Variants in ZNF33B observed in about 807,000 individuals in gnomAD.
ZNF33B encodes zinc finger protein 11b (KOX 2).
Under a neutral mutation model 45.8 loss-of-function variants are expected in ZNF33B, and 29 were observed. The ratio of observed to expected loss-of-function variants is 0.63; its 90% confidence interval spans 0.47 to 0.86. The LOEUF (loss-of-function observed/expected upper bound fraction) is 0.86, where lower values mean the gene tolerates loss of function less well. ZNF33B is among the 40% of genes least tolerant of loss of function. ZNF33B has a pLI of 0.00. For missense variants in ZNF33B, 831 were observed against 909.9 expected, an observed-to-expected ratio of 0.91 and a Z score of 1.12; for synonymous variants, 305 against 307.8, an observed-to-expected ratio of 0.99 and a Z score of 0.10.
intron 4 of ZNF33B, 104 bp from the exon 5 acceptor site, chr10:42,594,803 T>G: frequency 7.6e-7 from 1 of 1,313,626 alleles, no homozygotes; most frequent in Middle Eastern, 2.8e-4. Context: ...TCTGGTTTTT[T>G]GGCCAATTTC....
At chr10:42,596,101 T>C (rs1313873869) in intron 4 of ZNF33B, among the ~76,000 whole-genome samples, 1 of 151,590 alleles carries the variant, frequency 6.6e-6, no homozygotes, top group East Asian at 1.9e-4. Context: ...TATAATATAG[T>C]ATATATGTTA....
chr10:42,587,034 CAT>C (rs2132020804), downstream of ZNF33B, among the ~76,000 whole-genome samples: 1 of 152,222 alleles, frequency 6.6e-6, no homozygotes, highest in African/African-American at 2.4e-5. Flanking sequence ...TGGGCCCTCA[CAT>C]GTCAGAAAGG....
intron 4 of ZNF33B, among the ~76,000 whole-genome samples, chr10:42,617,088 TTC>T (rs1838356294): frequency 6.9e-6 from 1 of 145,072 alleles, no homozygotes; most frequent in African/African-American, 2.5e-5. Context: ...TGTTCATTTT[TTC>T]TCTTTTTTTT....
chr10:42,618,147 C>G (rs1424357876), intron 4 of ZNF33B, among the ~76,000 whole-genome samples: 6 of 152,112 alleles, frequency 3.9e-5, no homozygotes, highest in Admixed American at 6.5e-5. Context: ...CTAAACCAAG[C>G]GTAGGGGGCA....
At position 42,594,206 on chromosome 10, in the gene ZNF33B, G is replaced by C. The variant is rs1837290931; in HGVS notation, c.744C>G (p.Asp248Glu). Residue 248 changes from aspartate (D) to glutamate (E), a missense_variant, in exon 5 of 5, where the codon GAC (aspartate) becomes GAG (glutamate). By Grantham distance (45) the Asp-to-Glu change is conservative. Coordinates refer to ENST00000359467, the MANE Select transcript of ZNF33B (RefSeq NM_006955.3). ...KRENAEENNC[D>E]YNEFGRTFCD... ...AGAAAGTTCTCCCAAATTCATTATA[G>C]TCACAGTTATTCTCTTCTGCATTCT... The C allele has an allele frequency of 4.3e-6, 7 of 1,613,672 alleles. No individual in the cohort carries two copies. Among genetic ancestry groups the C allele is most frequent in the Non-Finnish European group, 5.9e-6 (7 of 1,179,900 alleles).
At chr10:42,630,463 C>T (rs1839000803) in intron 4 of ZNF33B, among the ~76,000 whole-genome samples, 1 of 152,184 alleles carries the variant, frequency 6.6e-6, no homozygotes, top group South Asian at 2.1e-4. Context: ...GATGTTACTT[C>T]AGACTCGGGA....
At chr10:42,609,848 C>T (rs370873107) in intron 4 of ZNF33B, among the ~76,000 whole-genome samples, 33 of 152,232 alleles carry the variant, frequency 2.2e-4, no homozygotes, top group Middle Eastern at 6.8e-3. Context: ...GCATTTAACA[C>T]AATCCAATGC....
intron 1 of ZNF33B, among the ~76,000 whole-genome samples, 181 bp from the exon 2 acceptor site, chr10:42,637,153 A>C (rs1253670306): frequency 6.6e-6 from 1 of 152,072 alleles, no homozygotes; most frequent in African/African-American, 2.4e-5. Flanking sequence ...CCCTAATACA[A>C]CTCCAACATA....
chr10:42,633,500 A>G (rs1839146469), intron 2 of ZNF33B, among the ~76,000 whole-genome samples: 1 of 152,232 alleles, frequency 6.6e-6, no homozygotes, highest in South Asian at 2.1e-4. Flanking sequence ...GGGCATGAAT[A>G]ATAGGAGACA....
At chr10:42,607,191 A>G (rs780611577) in intron 4 of ZNF33B, among the ~76,000 whole-genome samples, 4 of 152,216 alleles carry the variant, frequency 2.6e-5, no homozygotes, top group Non-Finnish European at 5.9e-5. Context: ...GAGTTAAGGT[A>G]GTAGAAATCT....
Position 42,626,907 on chromosome 10 carries a change from A to C in ZNF33B, c.250+5022T>G, listed in dbSNP as rs1407159505. Among the ~76,000 whole-genome samples the C allele has an allele frequency of 2.0e-5, 3 of 152,102 alleles. 1 individual carries two copies. The highest frequency in any genetic ancestry group is 7.2e-5 in the African/African-American group (3 of 41,434). ...GATTCAAATTAAGTCAACTTTTATGAAAACCTATGGGTCATTCAAATTATC... is the reference window on the plus strand; with the variant it reads ...GATTCAAATTAAGTCAACTTTTATGCAAACCTATGGGTCATTCAAATTATC... On this transcript the variant is annotated intron_variant, in intron 4 of 4. Transcript: ENST00000359467.
chr10:42,614,707 G>A (rs1838239205), intron 4 of ZNF33B, among the ~76,000 whole-genome samples: 1 of 152,188 alleles, frequency 6.6e-6, no homozygotes, highest in African/African-American at 2.4e-5. Flanking sequence ...TGTAATCCCA[G>A]CACTTTAGGA....
chr10:42,619,985 A>G (rs2132122963), intron 4 of ZNF33B, among the ~76,000 whole-genome samples: 1 of 152,270 alleles, frequency 6.6e-6, no homozygotes, highest in East Asian at 1.9e-4. Flanking sequence ...GGAGGCCGAA[A>G]TGGGTGGATC....
intron 1 of ZNF33B, chr10:42,583,453 A>G (rs533724819): frequency 3.6e-6 from 1 of 278,994 alleles, no homozygotes; most frequent in East Asian, 8.7e-5. Context: ...ATGGTACTAG[A>G]TAAATGGGAG....
chr10:42,580,441 T>C (rs1287079391), intron 1 of ZNF33B, among the ~76,000 whole-genome samples: 2 of 151,920 alleles, frequency 1.3e-5, no homozygotes, highest in Non-Finnish European at 2.9e-5. Flanking sequence ...TTTTGCCATG[T>C]TGGCCAGGCT....
chr10:42,626,282 T>C (rs1156269472), intron 4 of ZNF33B, among the ~76,000 whole-genome samples: 1 of 152,220 alleles, frequency 6.6e-6, no homozygotes, highest in Non-Finnish European at 1.5e-5. Flanking sequence ...TTGCTAGTGT[T>C]TTGGTAAAGA....
intron 4 of ZNF33B, among the ~76,000 whole-genome samples, chr10:42,621,516 G>A (rs1483788895): frequency 1.3e-5 from 2 of 151,356 alleles, no homozygotes; most frequent in Non-Finnish European, 2.9e-5. Flanking sequence ...ATGCCTGTGT[G>A]GTTCAACATA....
chr10:42,612,391 C>T (rs1051798408), intron 4 of ZNF33B, among the ~76,000 whole-genome samples: 1 of 152,018 alleles, frequency 6.6e-6, no homozygotes, highest in African/African-American at 2.4e-5. Context: ...CGTGCTTCAC[C>T]ACGCCCAGCT....
At chr10:42,616,012 CAGG>C (rs1031613987) in intron 4 of ZNF33B, among the ~76,000 whole-genome samples, 6 of 151,058 alleles carry the variant, frequency 4.0e-5, no homozygotes, top group African/African-American at 1.5e-4. Flanking sequence ...AATCTGAGGT[CAGG>C]AGTTTTGAGA....
Sources: allele counts gnomAD v4.1 joint callset (sites outside exome capture counted in the v4.1 genomes callset), GRCh38; gene constraint gnomAD v4.1.1; transcripts MANE v1.5; gene names NCBI Gene and HGNC (gene_info 2026-07-23, HGNC 2026-07-21).